FAM53A: variants seen among roughly 807,000 people sequenced by gnomAD.
FAM53A encodes protein FAM53A.
FAM53A carries 28 observed loss-of-function variants against 26.6 expected under a neutral mutation model. That is an observed-to-expected ratio of 1.05 (90% confidence interval 0.78 to 1.45). The LOEUF is 1.45. Among genes scored for constraint, FAM53A ranks in the 40% most tolerant of loss-of-function variants. The pLI, the probability that FAM53A is intolerant of heterozygous loss-of-function variation, is 0.00. For missense variants in FAM53A, 650 were observed against 575.8 expected (o/e 1.13, Z -1.32); for synonymous variants, 290 against 253.1 (o/e 1.15, Z -1.38).
the FAM53A span, among the ~76,000 whole-genome samples, chr4:1,611,513 C>A: frequency 1.3e-5 from 2 of 152,214 alleles, no homozygotes; most frequent in African/African-American, 4.8e-5. Context: ...TCCTGAGGTG[C>A]CCCTGGTGCA....
intron 1 of FAM53A, among the ~76,000 whole-genome samples, chr4:1,674,417 C>G (rs541854166): frequency 6.6e-6 from 1 of 152,274 alleles, no homozygotes; most frequent in Admixed American, 6.5e-5. Context: ...CGCCTGTAAT[C>G]CCAGCACTTT....
the FAM53A span, among the ~76,000 whole-genome samples, chr4:1,604,831 C>T: frequency 3.9e-5 from 6 of 152,292 alleles, no homozygotes; most frequent in Non-Finnish European, 7.4e-5. Flanking sequence ...CGAGCACCAC[C>T]CCCACCCTGC....
At chr4:1,620,417 G>A (rs576394731) in intron 1 of FAM53A, among the ~76,000 whole-genome samples, 1 of 151,908 alleles carries the variant, frequency 6.6e-6, no homozygotes, top group Non-Finnish European at 1.5e-5. Context: ...TGTTTCCACA[G>A]AGGGGGGATT....
intron 2 of FAM53A, among the ~76,000 whole-genome samples, chr4:1,665,760 G>A (rs899749907): frequency 6.6e-6 from 1 of 152,106 alleles, no homozygotes; most frequent in Non-Finnish European, 1.5e-5. Context: ...CAAGGCCGAG[G>A]CCTACCAAGG....
the FAM53A span, among the ~76,000 whole-genome samples, chr4:1,589,190 A>G: frequency 6.6e-6 from 1 of 152,232 alleles, no homozygotes; most frequent in East Asian, 1.9e-4. Flanking sequence ...TTTAAACAAT[A>G]AATAGAGATC....
chr4:1,667,127 C>CAAAAA, intron 2 of FAM53A, among the ~76,000 whole-genome samples: 1 of 130,234 alleles, frequency 7.7e-6, no homozygotes, highest in South Asian at 2.5e-4. Context: ...GACTCCATCT[C>CAAAAA]AAAAAAAAAA....
intron 1 of FAM53A, among the ~76,000 whole-genome samples, chr4:1,631,581 G>A (rs893536940): frequency 3.3e-5 from 5 of 152,178 alleles, no homozygotes; most frequent in Non-Finnish European, 2.9e-5. Context: ...GAGGGAAGGT[G>A]CCATATCCAC....
the FAM53A span, among the ~76,000 whole-genome samples, chr4:1,600,100 TC>T: frequency 1.3e-5 from 2 of 152,102 alleles, no homozygotes; most frequent in Non-Finnish European, 1.5e-5. Flanking sequence ...AGTCCTCCCC[TC>T]GCCAGAGTCC....
At chr4:1,639,038 C>T (rs932856489), downstream of FAM53A, among the ~76,000 whole-genome samples, 4 of 152,158 alleles carry the variant, frequency 2.6e-5, no homozygotes, top group East Asian at 1.9e-4. Context: ...GCAGCCACAG[C>T]GACACACCCT....
the FAM53A span, among the ~76,000 whole-genome samples, chr4:1,576,474 G>A: frequency 2.6e-5 from 4 of 152,240 alleles, no homozygotes; most frequent in Admixed American, 6.5e-5. Flanking sequence ...TTACGGGGCC[G>A]CGCTTGACTA....
At chr4:1,666,405 C>T (rs1714238277) in intron 2 of FAM53A, among the ~76,000 whole-genome samples, 1 of 151,752 alleles carries the variant, frequency 6.6e-6, no homozygotes, top group Non-Finnish European at 1.5e-5. Context: ...ATAAAACCTG[C>T]ACCTGTACCC....
chr4:1,598,777 GTT>G, the FAM53A span, among the ~76,000 whole-genome samples: 1 of 152,242 alleles, frequency 6.6e-6, no homozygotes, highest in African/African-American at 2.4e-5. Context: ...AAATCATGCG[GTT>G]TAAGAGCCGC....
intron 4 of FAM53A, among the ~76,000 whole-genome samples, chr4:1,649,107 G>A (rs1712500216): frequency 1.4e-5 from 2 of 140,230 alleles, no homozygotes; most frequent in Non-Finnish European, 3.0e-5. Flanking sequence ...GAGCAAAACA[G>A]AAAGGGAAAG....
the FAM53A span, among the ~76,000 whole-genome samples, chr4:1,601,233 C>A: frequency 1.1e-5 from 1 of 87,452 alleles, no homozygotes; most frequent in Admixed American, 1.3e-4. Flanking sequence ...CGCAACAGGT[C>A]GGACACCCAC....
chr4:1,658,383 C>T (rs1448176890), intron 2 of FAM53A, among the ~76,000 whole-genome samples: 1 of 152,250 alleles, frequency 6.6e-6, no homozygotes, highest in African/African-American at 2.4e-5. Flanking sequence ...CTCAGGCCCT[C>T]CTGCCTTTCG....
the FAM53A span, among the ~76,000 whole-genome samples, chr4:1,607,618 G>A: frequency 6.6e-5 from 10 of 152,050 alleles, no homozygotes; most frequent in African/African-American, 2.2e-4. Flanking sequence ...CATCCATCCT[G>A]TGGAAATCAA....
intron 1 of FAM53A, among the ~76,000 whole-genome samples, chr4:1,675,028 A>AC (rs145268824): frequency 0.087 from 13,247 of 152,176 alleles, 1,682 homozygotes; most frequent in African/African-American, 0.28. Context: ...ATGCCGTAGG[A>AC]CCCCACCATG....
chr4:1,580,789 C>T, the FAM53A span, among the ~76,000 whole-genome samples: 1 of 140,226 alleles, frequency 7.1e-6, no homozygotes, highest in Admixed American at 6.9e-5. Flanking sequence ...CCGCCTCCCA[C>T]CCAGGCCCCG....
In FAM53A at chr4:1,655,263, C is replaced by A; in HGVS notation, c.597G>T (p.Glu199Asp). Residue 199 changes from glutamate to aspartate, a missense_variant, in exon 4 of 5, where the codon GAG (glutamate) becomes GAT (aspartate). Glu to Asp is a conservative substitution (Grantham distance 45, BLOSUM62 2). Transcript: ENST00000308132. ...AGAGCGGGCCTGAGCCCGCACTGCC[C>A]TCGCTGCTGTCCACGAAGCCGCCGC... ...SASGGFVDSS[E>D]GSAGSGPLWC... 1 of 1,445,214 alleles carries A rather than the reference C, an allele frequency of 6.9e-7. No homozygotes were observed. The highest frequency in any genetic ancestry group is 2.6e-5 in the East Asian group (1 of 38,050). The allele number at this position is 1,445,214 out of a possible 1,614,324, so 89.5% of individuals were successfully genotyped here.
Sources: gnomAD v4.1 joint callset for allele counts (sites outside exome capture counted in the v4.1 genomes callset) on GRCh38, gnomAD v4.1.1 for gene constraint, MANE v1.5 for transcripts, NCBI Gene and HGNC (gene_info 2026-07-23, HGNC 2026-07-21) for gene names.